The following EPHB4 variants were observed in gnomAD, a reference collection of about 807,000 sequenced individuals.
EPHB4 encodes the protein ephrin type-B receptor 4.
A neutral mutation model predicts 110.6 loss-of-function variants in EPHB4; 50 were observed. That is an observed-to-expected ratio of 0.45 (90% CI 0.36 to 0.57). The LOEUF is 0.57. Among genes scored for constraint, EPHB4 ranks in the 20% least tolerant of loss-of-function variants. The pLI is 0.00. For synonymous variants in EPHB4, 592 were observed against 578.4 expected, an observed-to-expected ratio of 1.02 and a Z score of -0.34; for missense variants, 1,128 against 1,382.1, an observed-to-expected ratio of 0.82 and a Z score of 2.91.
chr7:100,816,832 C>T (rs1251219867), intron 8 of EPHB4, among the ~76,000 whole-genome samples: 3 of 152,058 alleles, frequency 2.0e-5, no homozygotes, highest in Non-Finnish European at 4.4e-5. Flanking sequence ...GCCTGTAATC[C>T]CAGCACTTCG....
intron 12 of EPHB4, among the ~76,000 whole-genome samples, chr7:100,811,484 G>A (rs2116428128): frequency 6.6e-6 from 1 of 152,190 alleles, no homozygotes; most frequent in South Asian, 2.1e-4. Context: ...TCCCCAAGAG[G>A]AGAAATCCAG....
In EPHB4 at chr7:100,813,096, T is replaced by G. The variant is rs772023359; in HGVS notation, c.1869A>C (p.Ala623=). 6.2e-7 allele frequency: 1 copy of G among 1,613,518 alleles called. No homozygotes were observed. Among genetic ancestry groups the G allele is most frequent in the East Asian group, 2.2e-5 (1 of 44,878 alleles). ...GCCCGGGCAGCCTTCGGCTCTCACC[T>G]GCACCAATCACCTCTTCAATCTTGA... ...SYVKIEEVIG[A]GEFGEVCRGR... Residue 623 remains alanine, a splice_region_variant and synonymous_variant, in exon 11 of 17, where the codon GCA becomes GCC. Transcript: ENST00000358173.
intron 12 of EPHB4, among the ~76,000 whole-genome samples, chr7:100,809,966 T>C (rs1766769785): frequency 6.6e-6 from 1 of 152,170 alleles, no homozygotes; most frequent in African/African-American, 2.4e-5. Flanking sequence ...ATACAAAAAT[T>C]AGCCGGGCAT....
rs1456858784 is a variant in EPHB4, at chr7:100,824,223, A to G, written c.103T>C (p.Phe35Leu). ...CTCACCTGCCCGTCCACCTGAGGGA[A>G]TGTCACCCACTTCAGATCAGCAGTT... The part of the protein sequence containing the change: ...LETADLKWVT[F>L]PQVDGQWEEL... The change falls in exon 2 of 17, where the codon TTC (phenylalanine) becomes CTC (leucine). Residue 35 changes from phenylalanine (F) to leucine (L), a missense_variant. Phe to Leu is a conservative substitution (Grantham distance 22). Around this residue, in one of 3 missense-constraint regions of EPHB4, gnomAD observed 728 missense variants for 828.6 expected, o/e 0.88. Coordinates refer to ENST00000358173, the MANE Select transcript of EPHB4 (RefSeq NM_004444.5). 2 of 1,613,778 alleles carry G rather than the reference A, an allele frequency of 1.2e-6. No homozygotes were observed. The highest frequency in any genetic ancestry group is 3.3e-5 in the Admixed American group (2 of 59,982).
rs1200928285 is a variant in EPHB4 at position 100,823,694 on chromosome 7, C to T, written c.361G>A (p.Asp121Asn). 6.2e-7 allele frequency: 1 copy of T among 1,613,548 alleles called. No homozygotes were observed. The highest frequency in any genetic ancestry group is 1.1e-5 in the South Asian group (1 of 91,084). Residue 121 changes from aspartate to asparagine, a missense_variant, in exon 3 of 17, where the codon GAC becomes AAC. Transcript: ENST00000358173. ...FTVFYYESDA[D>N]TATALTPAWM... Reference sequence around the variant, plus strand: ...GCTGGCGTGAGGGCCGTGGCCGTGTCCGCATCGCTCTCATAGTAGAAGACG... The same window carrying T: ...GCTGGCGTGAGGGCCGTGGCCGTGTTCGCATCGCTCTCATAGTAGAAGACG...
rs777956073 is a variant in EPHB4, at chr7:100,823,668, G to C, written c.387C>G (p.Ala129=). 2 of 1,613,148 alleles carry C rather than the reference G, an allele frequency of 1.2e-6. No individual in the cohort carries two copies. Among genetic ancestry groups the C allele is most frequent in the South Asian group, 1.1e-5 (1 of 91,074 alleles). Residue 129 remains alanine (A), a synonymous_variant, in exon 3 of 17, where the codon GCC becomes GCG. Coordinates refer to ENST00000358173, the MANE Select transcript of EPHB4 (RefSeq NM_004444.5). ...DADTATALTP[A]WMENPYIKVD... ...CCTTGATGTAGGGGTTCTCCATCCA[G>C]GCTGGCGTGAGGGCCGTGGCCGTGT...
At chr7:100,826,295 G>A (rs1420028809) in intron 1 of EPHB4, among the ~76,000 whole-genome samples, 2 of 151,952 alleles carry the variant, frequency 1.3e-5, no homozygotes, top group East Asian at 1.9e-4. Flanking sequence ...TGGGGGCTGT[G>A]TAGGTCAGTT....
chr7:100,805,384 A>AC, intron 15 of EPHB4, 63 bp from the exon 16 acceptor site: 1 of 1,605,634 alleles, frequency 6.2e-7, no homozygotes, highest in Non-Finnish European at 8.5e-7. Context: ...AGGAGGTGGA[A>AC]CCCAGCCTTG....
rs201252094 is a variant in EPHB4 at position 100,813,978 on chromosome 7, C to T, written c.1632G>A (p.Thr544=). 251 of 1,614,168 alleles carry T rather than the reference C, an allele frequency of 1.6e-4. 3 individuals carry two copies. In the South Asian group the frequency reaches 2.3e-3, roughly 15 times the overall value. The part of the protein sequence containing the change: ...WREQLALIAG[T]AVVGVVLVLV... ...GGACCAGGACCACACCCACGACTGC[C>T]GTGCCCGCAATCAGGGCCAGCTGCT... Residue 544 remains threonine, a synonymous_variant, in exon 9 of 17, where the codon ACG becomes ACA. Transcript: ENST00000358173.
intron 12 of EPHB4, 48 bp from the exon 13 acceptor site, chr7:100,807,628 G>C (rs375369008): frequency 6.4e-7 from 1 of 1,562,786 alleles, no homozygotes; most frequent in Non-Finnish European, 8.7e-7. Context: ...CCCACCCACC[G>C]TTCCCCCTCC....
intron 5 of EPHB4, 105 bp from the exon 6 acceptor site, chr7:100,819,994 G>C (rs1813179509): frequency 6.8e-7 from 1 of 1,468,186 alleles, no homozygotes; most frequent in Admixed American, 2.3e-5. Context: ...CTTGGAGACA[G>C]TGGGCTCCAC....
chr7:100,806,330 AGTGATG>A (rs1812816521), intron 14 of EPHB4, 84 bp downstream of exon 14: 1 of 1,454,416 alleles, frequency 6.9e-7, no homozygotes, highest in Non-Finnish European at 9.3e-7. Flanking sequence ...AGAACCCAGC[AGTGATG>A]ACTCTCTGGG....
rs575989730 is a variant in EPHB4, at chr7:100,817,928, G to A, written c.1423-571C>T. Among the ~76,000 whole-genome samples, 26 of 140,792 alleles carry A rather than the reference G, an allele frequency of 1.8e-4. No homozygotes were observed. In the South Asian group the frequency reaches 4.9e-3, roughly 26 times the overall value. The allele number at this position is 140,792 out of a possible 152,430, so 92.4% of individuals were successfully genotyped here. A position where few individuals can be genotyped will look rare whatever the true frequency, so the allele number is the denominator to read the frequency against. ...TTCGCCCAGGCCGGACTGCAGTGGCGCTATCTCGGCTCACTGCAAGCTCCG... is the reference window on the plus strand; with the variant it reads ...TTCGCCCAGGCCGGACTGCAGTGGCACTATCTCGGCTCACTGCAAGCTCCG... On this transcript the variant is annotated intron_variant, in intron 7 of 16. Transcript: ENST00000358173.
At chr7:100,816,899 C>T (rs892728033) in intron 8 of EPHB4, among the ~76,000 whole-genome samples, 2 of 151,754 alleles carry the variant, frequency 1.3e-5, no homozygotes, top group African/African-American at 2.4e-5. Context: ...CTGGCCAACG[C>T]GGTGAAGCCC....
intron 1 of EPHB4, among the ~76,000 whole-genome samples, chr7:100,826,002 G>C (rs1277033875): frequency 2.6e-5 from 4 of 152,202 alleles, no homozygotes; most frequent in African/African-American, 9.6e-5. Flanking sequence ...GCCCAGCCAG[G>C]GGGAGAGGGT....
intron 12 of EPHB4, among the ~76,000 whole-genome samples, chr7:100,808,263 G>A (rs1812857564): frequency 6.6e-6 from 1 of 152,116 alleles, no homozygotes; most frequent in African/African-American, 2.4e-5. Flanking sequence ...CTTTCCCCCA[G>A]GTTGGAGTGC....
rs1562972399 is a variant in EPHB4, at chr7:100,820,298, TGAGA to T, written c.809-6_809-3del. On this transcript the variant is annotated splice_region_variant and splice_polypyrimidine_tract_variant and intron_variant, in intron 4 of 16. Coordinates refer to ENST00000358173, the MANE Select transcript of EPHB4 (RefSeq NM_004444.5). The stretch of plus-strand genomic sequence containing the variant: ...GCTTGAAGGTGCCCTGGGCACAGGC[TGAGA>T]GAGAGAAAGCATTCATCAAAAGCAT... 6.2e-7 allele frequency: 1 copy of T among 1,613,054 alleles called. No homozygotes were observed. The highest frequency in any genetic ancestry group is 8.5e-7 in the Non-Finnish European group (1 of 1,179,752).
rs1813188837 is a variant in EPHB4, at chr7:100,820,222, T to TA, written c.882dup (p.Asn295Ter). On this transcript the variant is annotated frameshift_variant, in exon 5 of 17. Transcript: ENST00000358173. LOFTEE classifies it high-confidence loss of function. ...TGGCAGACGGCTGATCCAATGGTGTTAGAGTGGCTATTGGCTGGGCATGGC... is the reference window on the plus strand; with the variant it reads ...TGGCAGACGGCTGATCCAATGGTGTTAAGAGTGGCTATTGGCTGGGCATGGC... 4 of 1,613,962 alleles carry TA rather than the reference T, an allele frequency of 2.5e-6. No individual in the cohort carries two copies. The highest frequency in any genetic ancestry group is 2.5e-6 in the Non-Finnish European group (3 of 1,180,006).
chr7:100,819,792 G>A lies in EPHB4; in HGVS notation c.1062C>T (p.Asp354=), dbSNP rs1363750360. The A allele has an allele frequency of 6.4e-7, 1 of 1,573,266 alleles. No individual in the cohort carries two copies. The highest frequency in any genetic ancestry group is 1.4e-5 in the African/African-American group (1 of 74,012). The change falls in exon 6 of 17, where the codon GAC becomes GAT. Residue 354 remains aspartate (D), a synonymous_variant. Transcript: ENST00000358173. ...CCCGGCAGCGGAGGGCGTAGGTGAG[G>A]TCCTCTCGGCCACCAGACTCCAGGG... The part of the protein sequence containing the change: ...SAPLESGGRE[D]LTYALRCREC...
Sources: allele counts gnomAD v4.1 joint callset (sites outside exome capture counted in the v4.1 genomes callset), GRCh38; gene constraint gnomAD v4.1.1; regional missense constraint gnomAD v4.1.1; transcripts MANE v1.5; gene names NCBI Gene and HGNC (gene_info 2026-07-23, HGNC 2026-07-21).